The following SH2D6 variants were observed in gnomAD, a reference collection of about 807,000 sequenced individuals.
The protein encoded by SH2D6 is SH2 domain containing 6, also known as SH2 domain-containing protein 6.
SH2D6 carries 31 observed loss-of-function variants against 30.2 expected under a neutral mutation model. The ratio of observed to expected loss-of-function variants is 1.03; its 90% confidence interval spans 0.77 to 1.38. The LOEUF is 1.38. Ranked by LOEUF, SH2D6 falls within the 40% of genes most tolerant of loss-of-function variation. The pLI is 0.00. For synonymous variants in SH2D6, 93 were observed against 104.6 expected (o/e 0.89, Z 0.68); for missense variants, 240 against 266.8 (o/e 0.90, Z 0.70).
chr2:85,425,955 C>G (rs1217980166), intron 6 of SH2D6, among the ~76,000 whole-genome samples: 4 of 152,182 alleles, frequency 2.6e-5, no homozygotes, highest in Non-Finnish European at 5.9e-5. Context: ...GAAGGCCTCA[C>G]CTGGCTTCTG....
At chr2:85,423,627 C>A (rs1687836715) in intron 5 of SH2D6, among the ~76,000 whole-genome samples, 1 of 152,226 alleles carries the variant, frequency 6.6e-6, no homozygotes, top group African/African-American at 2.4e-5. Context: ...AATGATTGTG[C>A]ACCAGGGAGG....
chr2:85,434,950 G>C, intron 19 of SH2D6, 115 bp from the exon 20 acceptor site: 1 of 1,599,512 alleles, frequency 6.3e-7, no homozygotes, highest in Non-Finnish European at 8.5e-7. Flanking sequence ...GTTTGGGCTC[G>C]GGGCCATGTA....
chr2:85,434,831 C>T (rs1329949213), intron 19 of SH2D6: 2 of 1,481,626 alleles, frequency 1.3e-6, no homozygotes, highest in African/African-American at 2.8e-5. Flanking sequence ...CAGGAAGCTC[C>T]TAGTCTGTGC....
rs938886359 is a variant in SH2D6 at position 85,436,393 on chromosome 2, C to G, written c.892-73C>G. 4 of 1,123,072 alleles carry G rather than the reference C, an allele frequency of 3.6e-6. No homozygotes were observed. In the African/African-American group the frequency reaches 6.1e-5, roughly 17 times the overall value. The allele number at this position is 1,123,072 out of a possible 1,614,324, so 69.6% of individuals were successfully genotyped here. A position where few individuals can be genotyped will look rare whatever the true frequency, so the allele number is the denominator to read the frequency against. ...TGTCAAAAGTCCCCTTGCCAGAGTC[C>G]CACAGTTGCCTCAGGAAATTGCTCC... On this transcript the variant is annotated intron_variant, in intron 22 of 23. Coordinates refer to ENST00000469800, the MANE Select transcript of SH2D6 (RefSeq NM_001394463.1).
chr2:85,435,640 G>A (rs1689361684), intron 21 of SH2D6, 26 bp from the exon 22 acceptor site: 1 of 1,583,722 alleles, frequency 6.3e-7, no homozygotes, highest in African/African-American at 1.3e-5. Flanking sequence ...GGAAGATGAG[G>A]TTGATGGCTG....
chr2:85,434,427 G>A (rs1434603079), intron 18 of SH2D6, 46 bp from the exon 19 acceptor site: 1 of 1,550,468 alleles, frequency 6.4e-7, no homozygotes, highest in East Asian at 2.4e-5. Context: ...GGCTCAGGGT[G>A]GGACCTGGGG....
intron 2 of SH2D6, chr2:85,421,017 G>A (rs76931169): frequency 9.0e-4 from 137 of 152,516 alleles, no homozygotes; most frequent in African/African-American, 3.1e-3. Context: ...GGCCCATCAA[G>A]GAAGGAGGTG....
chr2:85,434,242 A>ACCATGGGACAGCCATG, intron 17 of SH2D6, 98 bp from the exon 18 acceptor site: 1 of 1,511,380 alleles, frequency 6.6e-7, no homozygotes, highest in Non-Finnish European at 8.9e-7. Context: ...GGTTGTTGGC[A>ACCATGGGACAGCCATG]GTGGTGGCAG....
chr2:85,434,432 C>A (rs929247886), intron 18 of SH2D6, 41 bp from the exon 19 acceptor site: 1 of 1,550,460 alleles, frequency 6.4e-7, no homozygotes, highest in Non-Finnish European at 8.7e-7. Context: ...AGGGTGGGAC[C>A]TGGGGCCCGG....
Position 85,435,680 on chromosome 2 carries a change from C to T in SH2D6, c.747C>T (p.Thr249=), listed in dbSNP as rs200202395. 5.4e-5 allele frequency: 87 copies of T among 1,609,292 alleles called. No homozygotes were observed. The highest frequency in any genetic ancestry group is 4.8e-4 in the African/African-American group (36 of 74,974). The change falls in exon 22 of 24, where the codon ACC becomes ACT. Residue 249 remains threonine, a synonymous_variant. Transcript: ENST00000469800. The part of the protein sequence containing the change: ...LLHLQKDGAY[T]VRPSSGPHGS... ...CTCCTCCACAGGATGGGGCCTATAC[C>T]GTGCGCCCCAGCTCAGGGCCTCATG...
rs552127618 is a variant in SH2D6 at position 85,436,331 on chromosome 2, G to A, written c.892-135G>A. On this transcript the variant is annotated intron_variant, in intron 22 of 23. Transcript: ENST00000469800. The stretch of plus-strand genomic sequence containing the variant: ...CGGGGCAGCAAAATGGCAGTGGAGC[G>A]GCATGGGGCAAACAGGAAGGAAGAT... 137 of 666,442 alleles carry A rather than the reference G, an allele frequency of 2.1e-4. 1 individual carries two copies. The highest frequency in any genetic ancestry group is 5.1e-4 in the Middle Eastern group (2 of 3,958). 41.3% of individuals were successfully genotyped at this position (666,442 alleles called of 1,614,324 possible). A position where few individuals can be genotyped will look rare whatever the true frequency, so the allele number is the denominator to read the frequency against.
chr2:85,432,385 AT>A (rs957243584), intron 14 of SH2D6, among the ~76,000 whole-genome samples: 13 of 148,474 alleles, frequency 8.8e-5, no homozygotes, highest in Admixed American at 7.3e-4. Context: ...TTATTTATTT[AT>A]TTTTTTTGTT....
At position 85,435,461 on chromosome 2, in the gene SH2D6, T is replaced by C. The variant is rs762616071; in HGVS notation, c.697T>C (p.Tyr233His). ...TTGGTACTCGGGGAACTGTGACCGC[T>C]ATGCTGTTGAGAGTGCCCTGCTCCA... ...QPWYSGNCDR[Y>H]AVESALLHLQ... The change falls in exon 21 of 24, where the codon TAT becomes CAT. Residue 233 changes from tyrosine (Y) to histidine (H), a missense_variant. By Grantham distance (83) the Tyr-to-His change is moderately conservative. Transcript: ENST00000469800. 2 of 1,613,902 alleles carry C rather than the reference T, an allele frequency of 1.2e-6. No individual in the cohort carries two copies. The highest frequency in any genetic ancestry group is 1.7e-6 in the Non-Finnish European group (2 of 1,179,994).
chr2:85,435,936 G>A (rs1689406168), intron 22 of SH2D6, 112 bp downstream of exon 22: 1 of 1,371,128 alleles, frequency 7.3e-7, no homozygotes, highest in Admixed American at 2.9e-5. Context: ...TTCTGGGGTG[G>A]GCAGAAATGA....
In SH2D6 at chr2:85,430,520, G is replaced by C. The variant is rs547143402; in HGVS notation, c.136-18G>C. ...CTCTCCCCTCCATTCCTGCTGTGCT[G>C]AGCATCCCTTCCTCCAGGCCCAGGA... is the stretch of plus-strand genomic sequence containing the variant. On this transcript the variant is annotated intron_variant, in intron 11 of 23. Transcript: ENST00000469800. The surrounding 1 kb of genome is among the most constrained non-coding windows in gnomAD (Gnocchi z 4.3). 3.9e-5 allele frequency: 6 copies of C among 153,142 alleles called. No homozygotes were observed. The highest frequency in any genetic ancestry group is 9.7e-5 in the African/African-American group (4 of 41,430). 9.5% of individuals were successfully genotyped at this position (153,142 alleles called of 1,614,324 possible).
At chr2:85,420,182 G>A (rs1687695732) in intron 2 of SH2D6, among the ~76,000 whole-genome samples, 5 of 152,126 alleles carry the variant, frequency 3.3e-5, no homozygotes, top group Admixed American at 3.3e-4. Flanking sequence ...TCGGTCCACT[G>A]CAACCTCTGC....
At chr2:85,433,316 T>C (rs1329314305) in intron 15 of SH2D6, among the ~76,000 whole-genome samples, 195 bp downstream of exon 15, 3 of 152,152 alleles carry the variant, frequency 2.0e-5, no homozygotes, top group Non-Finnish European at 4.4e-5. Context: ...CGCCCAGGGA[T>C]CCTCCTCACA....
In SH2D6 at chr2:85,435,492, A is replaced by G. The variant is rs1425785206; in HGVS notation, c.728A>G (p.Gln243Arg). 3 of 1,613,400 alleles carry G rather than the reference A, an allele frequency of 1.9e-6. No individual in the cohort carries two copies. The highest frequency in any genetic ancestry group is 2.5e-6 in the Non-Finnish European group (3 of 1,179,848). Residue 243 changes from glutamine to arginine, a missense_variant, in exon 21 of 24, where the codon CAA becomes CGA. Transcript: ENST00000469800. The stretch of plus-strand genomic sequence containing the variant: ...GTTGAGAGTGCCCTGCTCCACTTAC[A>G]AAAGGTGGGCAGCCACGGACCCCGG... The part of the protein sequence containing the change: ...YAVESALLHL[Q>R]KDGAYTVRPS...
Position 85,435,655 on chromosome 2 carries a change from C to T in SH2D6, c.733-11C>T. ...GGAAGATGAGGTTGATGGCTGGGGT[C>T]TCCTCCACAGGATGGGGCCTATACC... is the stretch of plus-strand genomic sequence containing the variant. On this transcript the variant is annotated splice_polypyrimidine_tract_variant and intron_variant, in intron 21 of 23. Transcript: ENST00000469800. The T allele has an allele frequency of 6.3e-7, 1 of 1,590,454 alleles. No homozygotes were observed.
Sources: allele counts gnomAD v4.1 joint callset (sites outside exome capture counted in the v4.1 genomes callset), GRCh38; gene constraint gnomAD v4.1.1; non-coding constraint Gnocchi (gnomAD v3.1); transcripts MANE v1.5; gene names NCBI Gene and HGNC (gene_info 2026-07-23, HGNC 2026-07-21).